PIK3C2G: variants seen among roughly 807,000 people sequenced by gnomAD.
PIK3C2G encodes the protein phosphatidylinositol-4-phosphate 3-kinase catalytic subunit type 2 gamma, also known as phosphatidylinositol 3-kinase C2 domain-containing subunit gamma.
In PIK3C2G, 168 loss-of-function variants were observed where a neutral mutation model predicts 181.1. That is an observed-to-expected ratio of 0.93 (90% CI 0.82 to 1.05). The LOEUF is 1.05. Ranked by LOEUF, PIK3C2G falls within the 50% of genes least tolerant of loss-of-function variation. PIK3C2G has a pLI of 0.00. For missense variants in PIK3C2G, 1,869 were observed against 1,732.8 expected (o/e 1.08, Z -1.40); for synonymous variants, 573 against 592.2 (o/e 0.97, Z 0.47).
At chr12:18,696,348 A>ATATATATATATATATATCTATC in the PIK3C2G span, 2 of 214,170 alleles carry the variant, frequency 9.3e-6, no homozygotes, top group Non-Finnish European at 1.6e-5. Flanking sequence ...ATATATATAT[A>ATATATATATATATATATCTATC]TATCATATAA....
chr12:18,580,082 G>A lies in PIK3C2G; in HGVS notation c.4011+13025G>A, dbSNP rs139527491. Among the ~76,000 whole-genome samples the A allele has an allele frequency of 3.2e-3, 474 of 150,330 alleles. 11 individuals are homozygous for A. The East Asian group carries it at 0.059, about 19-fold the overall frequency. ...CACGAGGTGGAGGTTGCAGTGAGCC[G>A]AGTTCGCACCACTGCACTCCAGCCT... On this transcript the variant is annotated intron_variant, in intron 29 of 32. Transcript: ENST00000538779.
intron 29 of PIK3C2G, among the ~76,000 whole-genome samples, chr12:18,590,466 C>T (rs987122523): frequency 4.0e-4 from 61 of 152,016 alleles, no homozygotes; most frequent in African/African-American, 1.3e-3. Flanking sequence ...GGGGAACCCT[C>T]CTGCATACAT....
the PIK3C2G span, among the ~76,000 whole-genome samples, chr12:18,688,616 T>A: frequency 1.3e-5 from 2 of 151,872 alleles, no homozygotes; most frequent in Non-Finnish European, 2.9e-5. Flanking sequence ...TTTTAAAAAA[T>A]GTACCATTTA....
intron 12 of PIK3C2G, among the ~76,000 whole-genome samples, chr12:18,364,941 T>G (rs1164479390): frequency 6.6e-6 from 1 of 152,078 alleles, no homozygotes; most frequent in East Asian, 1.9e-4. Flanking sequence ...TCCCTAAAAT[T>G]TTTCTTCTGA....
intron 18 of PIK3C2G, among the ~76,000 whole-genome samples, chr12:18,447,773 A>G (rs1173482980): frequency 6.6e-6 from 1 of 152,174 alleles, no homozygotes; most frequent in Non-Finnish European, 1.5e-5. Context: ...AATGAATTTA[A>G]AAGTATAAAG....
chr12:18,304,509 G>A (rs148579706), intron 5 of PIK3C2G, among the ~76,000 whole-genome samples: 1,543 of 152,160 alleles, frequency 0.01, 20 homozygotes, highest in African/African-American at 0.035. Context: ...AACCCGCCCC[G>A]GCCTCCCAAA....
chr12:18,661,071 T>C, the PIK3C2G span, among the ~76,000 whole-genome samples: 1 of 152,074 alleles, frequency 6.6e-6, no homozygotes, highest in African/African-American at 2.4e-5. Flanking sequence ...GAAGAATTGA[T>C]GAACTTGAGG....
At chr12:18,345,156 A>C (rs1387408667) in intron 10 of PIK3C2G, among the ~76,000 whole-genome samples, 1 of 152,182 alleles carries the variant, frequency 6.6e-6, no homozygotes, top group African/African-American at 2.4e-5. Context: ...TACAATTTGG[A>C]GATAAAGAAA....
chr12:18,415,944 C>T (rs1945150828), intron 16 of PIK3C2G, among the ~76,000 whole-genome samples: 1 of 152,116 alleles, frequency 6.6e-6, no homozygotes, highest in Non-Finnish European at 1.5e-5. Flanking sequence ...AGAGTTGGTT[C>T]ATAAGGTTTA....
chr12:18,346,169 T>C (rs1440469635), intron 10 of PIK3C2G, among the ~76,000 whole-genome samples: 4 of 152,212 alleles, frequency 2.6e-5, no homozygotes, highest in African/African-American at 7.2e-5. Context: ...CTCTTTTTAA[T>C]ATCAACACAT....
chr12:18,581,546 A>G (rs896361422), intron 29 of PIK3C2G, among the ~76,000 whole-genome samples: 22 of 152,224 alleles, frequency 1.4e-4, no homozygotes, highest in Admixed American at 5.9e-4. Flanking sequence ...ATTGCCAACC[A>G]CTAATGTGCC....
chr12:18,719,258 T>C, the PIK3C2G span, among the ~76,000 whole-genome samples: 2 of 152,296 alleles, frequency 1.3e-5, no homozygotes, highest in African/African-American at 4.8e-5. Context: ...CGTTGCCACT[T>C]CATCCAAATG....
rs1942841336 is a variant in PIK3C2G, at chr12:18,381,645, C to A, written c.1881-121C>A. ...GACTATCTCATTTCTTTTCTAGCAA[C>A]TGAATAAAGCCCCTGTAAGAGCGGA... On this transcript the variant is annotated intron_variant, in intron 13 of 32. Transcript: ENST00000538779. The A allele has an allele frequency of 1.0e-5, 6 of 593,144 alleles. No homozygotes were observed. The East Asian group carries it at 1.6e-4, about 16-fold the overall frequency. The allele number at this position is 593,144 out of a possible 1,614,324, so 36.7% of individuals were successfully genotyped here. A position where few individuals can be genotyped will look rare whatever the true frequency, so the allele number is the denominator to read the frequency against.
At chr12:18,458,293 C>T (rs149349312) in intron 18 of PIK3C2G, among the ~76,000 whole-genome samples, 125 of 152,228 alleles carry the variant, frequency 8.2e-4, no homozygotes, top group Admixed American at 1.8e-3. Context: ...TCTGGGCATA[C>T]TGTGTTATTT....
intron 26 of PIK3C2G, among the ~76,000 whole-genome samples, chr12:18,550,550 T>G (rs1944674624): frequency 6.6e-6 from 1 of 152,030 alleles, no homozygotes; most frequent in East Asian, 1.9e-4. Context: ...TTGTCATAGA[T>G]CCATCATTGG....
intron 5 of PIK3C2G, among the ~76,000 whole-genome samples, chr12:18,307,943 A>T (rs553981424): frequency 6.6e-6 from 1 of 152,076 alleles, no homozygotes; most frequent in South Asian, 2.1e-4. Context: ...TATCATTTTA[A>T]CATGTAATCA....
chr12:18,492,317 G>A (rs900254611), intron 20 of PIK3C2G, among the ~76,000 whole-genome samples: 1 of 152,158 alleles, frequency 6.6e-6, no homozygotes, highest in Admixed American at 6.5e-5. Context: ...TCATAAGACA[G>A]TCAAGAAAAC....
At chr12:18,452,252 G>C (rs1399290362) in intron 18 of PIK3C2G, among the ~76,000 whole-genome samples, 1 of 152,068 alleles carries the variant, frequency 6.6e-6, no homozygotes, top group Non-Finnish European at 1.5e-5. Flanking sequence ...TTTTAAATTT[G>C]TTATTGGTCT....
chr12:18,463,336 T>G (rs1948023908), intron 18 of PIK3C2G, among the ~76,000 whole-genome samples: 1 of 152,180 alleles, frequency 6.6e-6, no homozygotes, highest in African/African-American at 2.4e-5. Context: ...AACTGAAGCA[T>G]TACCTCCCTT....
Sources: allele counts gnomAD v4.1 joint callset (sites outside exome capture counted in the v4.1 genomes callset), GRCh38; gene constraint gnomAD v4.1.1; transcripts MANE v1.5; gene names NCBI Gene and HGNC (gene_info 2026-07-23, HGNC 2026-07-21).